Variants in TMEM178B observed in about 807,000 individuals in gnomAD.
TMEM178B encodes the protein transmembrane protein 178B.
In TMEM178B, 5 loss-of-function variants were observed where a neutral mutation model predicts 31.0. That is an observed-to-expected ratio of 0.16 (90% CI 0.08 to 0.34). The LOEUF (loss-of-function observed/expected upper bound fraction) is 0.34. TMEM178B is among the 10% of genes least tolerant of loss of function. The pLI is 1.00. For missense variants in TMEM178B, 275 were observed against 400.3 expected (o/e 0.69, Z 2.67); for synonymous variants, 164 against 164.0 (o/e 1.00, Z 0.00).
intron 1 of TMEM178B, among the ~76,000 whole-genome samples, chr7:141,163,128 T>C (rs773299555): frequency 2.0e-5 from 3 of 152,242 alleles, no homozygotes; most frequent in Non-Finnish European, 2.9e-5. Context: ...GCTTCTTGGC[T>C]GGACTCATTC....
chr7:141,201,709 T>C (rs972794614), intron 1 of TMEM178B, among the ~76,000 whole-genome samples: 14 of 152,150 alleles, frequency 9.2e-5, no homozygotes, highest in African/African-American at 3.4e-4. Flanking sequence ...AGATGCGGGC[T>C]AGTGAGCACT....
intron 1 of TMEM178B, among the ~76,000 whole-genome samples, chr7:141,146,044 C>T (rs1261801605): frequency 6.6e-6 from 1 of 152,170 alleles, no homozygotes; most frequent in Non-Finnish European, 1.5e-5. Context: ...GCACTGTGTT[C>T]AATACTTTTA....
chr7:141,096,798 C>G (rs1794967038), intron 1 of TMEM178B, among the ~76,000 whole-genome samples: 1 of 152,156 alleles, frequency 6.6e-6, no homozygotes, highest in East Asian at 1.9e-4. Flanking sequence ...GGTAGTCAGA[C>G]AGAAGTTCCA....
intron 1 of TMEM178B, among the ~76,000 whole-genome samples, chr7:141,112,387 G>C (rs1044379135): frequency 4.6e-5 from 7 of 152,048 alleles, no homozygotes; most frequent in African/African-American, 1.7e-4. Context: ...TGAGTAGCTG[G>C]GACAACAGGT....
At chr7:141,437,510 G>A (rs1801568070) in intron 2 of TMEM178B, 98 bp from the exon 3 acceptor site, 1 of 1,463,300 alleles carries the variant, frequency 6.8e-7, no homozygotes, top group South Asian at 1.3e-5. Context: ...TGCTCCTGGA[G>A]GGCCACTCCC....
intron 2 of TMEM178B, among the ~76,000 whole-genome samples, chr7:141,394,112 G>GT (rs1800595025): frequency 1.3e-5 from 2 of 151,472 alleles, no homozygotes. Context: ...TTTTGCTTTT[G>GT]TGTTGAGAAT....
intron 2 of TMEM178B, among the ~76,000 whole-genome samples, chr7:141,336,105 G>A (rs906486205): frequency 6.6e-6 from 1 of 152,086 alleles, no homozygotes; most frequent in South Asian, 2.1e-4. Flanking sequence ...TTGGAGAGTC[G>A]CTGTTACGTG....
intron 2 of TMEM178B, among the ~76,000 whole-genome samples, chr7:141,327,861 C>T (rs1799221004): frequency 6.6e-6 from 1 of 152,192 alleles, no homozygotes; most frequent in South Asian, 2.1e-4. Flanking sequence ...ACCAGCACCA[C>T]ATCCATATAG....
chr7:141,337,197 TCAC>T (rs1799432283), intron 2 of TMEM178B, among the ~76,000 whole-genome samples: 3 of 19,080 alleles, frequency 1.6e-4, no homozygotes. Flanking sequence ...ACCACCACCA[TCAC>T]CACCACCACC....
At chr7:141,317,942 A>T (rs1799035044) in intron 2 of TMEM178B, among the ~76,000 whole-genome samples, 1 of 152,228 alleles carries the variant, frequency 6.6e-6, no homozygotes, top group Non-Finnish European at 1.5e-5. Flanking sequence ...CAAGTGTAAA[A>T]TGCCAGAAGC....
rs112680169 is a variant in TMEM178B at position 141,470,819 on chromosome 7, A to AAT, written c.*45_*46dup. The AAT allele has an allele frequency of 2.8e-3, 2,552 of 906,612 alleles. 32 individuals are homozygous for AAT. The African/African-American group carries it at 0.031, about 11-fold the overall frequency. The allele number at this position is 906,612 out of a possible 1,614,324, so 56.2% of individuals were successfully genotyped here. ...ACCCATACATACATATATATATATA[A>AAT]ATATATATATATAATATACATATAT... On this transcript the variant is annotated 3_prime_UTR_variant, in exon 4 of 4. Coordinates refer to ENST00000565468, the MANE Select transcript of TMEM178B (RefSeq NM_001195278.2).
rs567751410 is a variant in TMEM178B at position 141,302,786 on chromosome 7, G to T, written c.496+90082G>T. ...TTAACTACCTCCCTGGGAACACTGTGTACACAGAATTAGAAAAGATTTCTC... is the reference window on the plus strand; with the variant it reads ...TTAACTACCTCCCTGGGAACACTGTTTACACAGAATTAGAAAAGATTTCTC... On this transcript the variant is annotated intron_variant, in intron 2 of 3. Transcript: ENST00000565468. Among the ~76,000 whole-genome samples, 85 of 152,284 alleles carry T rather than the reference G, an allele frequency of 5.6e-4. 2 individuals carry two copies. In the South Asian group the frequency reaches 0.017, roughly 30 times the overall value.
rs1229913880 is a variant in TMEM178B, at chr7:141,473,071, G to T, written c.*2285G>T. On this transcript the variant is annotated 3_prime_UTR_variant, in exon 4 of 4. Coordinates refer to ENST00000565468, the MANE Select transcript of TMEM178B (RefSeq NM_001195278.2). ...GAAAAGTTGTTAGCTTCCAGTTGGG[G>T]TTCTAAGGATTATTTTTAAAACAAA... The T allele has an allele frequency of 6.6e-6, 1 of 152,158 alleles. No homozygotes were observed. Among genetic ancestry groups the T allele is most frequent in the Non-Finnish European group, 1.5e-5 (1 of 68,034 alleles). The allele number at this position is 152,158 out of a possible 1,614,324, so 9.4% of individuals were successfully genotyped here.
intron 2 of TMEM178B, among the ~76,000 whole-genome samples, chr7:141,399,919 C>T (rs1041181069): frequency 3.3e-5 from 5 of 152,024 alleles, no homozygotes; most frequent in South Asian, 4.2e-4. Context: ...ATAAGTGCAC[C>T]GGTATTCTCC....
intron 1 of TMEM178B, among the ~76,000 whole-genome samples, chr7:141,137,975 T>C (rs1306497856): frequency 1.3e-5 from 2 of 152,202 alleles, no homozygotes; most frequent in African/African-American, 4.8e-5. Context: ...TCCCACCAGA[T>C]TGGCAGAACT....
In TMEM178B at chr7:141,394,020, CT is replaced by C. The variant is rs554688585; in HGVS notation, c.497-43575del. Among the ~76,000 whole-genome samples the C allele has an allele frequency of 2.6e-3, 380 of 145,820 alleles. 1 individual carries two copies. The highest frequency in any genetic ancestry group is 0.011 in the Middle Eastern group (3 of 278). On this transcript the variant is annotated intron_variant, in intron 2 of 3. Transcript: ENST00000565468. ...CTGGACACATTCAAGGGAAACTCCT[CT>C]TTTTTTTTTTTTCCTCAGTGAATCA...
the TMEM178B span, among the ~76,000 whole-genome samples, chr7:141,509,363 T>G: frequency 6.6e-6 from 1 of 151,324 alleles, no homozygotes; most frequent in African/African-American, 2.4e-5. Flanking sequence ...AATTAACATT[T>G]TAGAGGCCAG....
the TMEM178B span, among the ~76,000 whole-genome samples, chr7:141,510,637 A>G: frequency 7.3e-6 from 1 of 137,180 alleles, no homozygotes; most frequent in Non-Finnish European, 1.6e-5. Context: ...GTGAGCCAAG[A>G]ACGCACTGTT....
At chr7:141,359,150 C>G (rs1799873630) in intron 2 of TMEM178B, among the ~76,000 whole-genome samples, 1 of 152,172 alleles carries the variant, frequency 6.6e-6, no homozygotes, top group Non-Finnish European at 1.5e-5. Context: ...CTTGCACTAG[C>G]ATCTAAAAAA....
Sources: allele counts gnomAD v4.1 joint callset (sites outside exome capture counted in the v4.1 genomes callset), GRCh38; gene constraint gnomAD v4.1.1; transcripts MANE v1.5; gene names NCBI Gene and HGNC (gene_info 2026-07-23, HGNC 2026-07-21).